The following GOLGA8A variants were observed in gnomAD, a reference collection of about 807,000 sequenced individuals.
GOLGA8A encodes the protein golgin A8 family member A.
In GOLGA8A, 3 loss-of-function variants were observed where a neutral mutation model predicts 22.1. The observed-to-expected ratio is 0.14, with a 90% confidence interval of 0.06 to 0.35. The LOEUF is 0.35. Among genes scored for constraint, GOLGA8A ranks in the 10% least tolerant of loss-of-function variants. The probability of loss-of-function intolerance (pLI) is 1.00; values close to 1 mark genes in which losing one functional copy is unlikely to be tolerated. For synonymous variants in GOLGA8A, 7 were observed against 91.7 expected (o/e 0.08, Z 5.28); for missense variants, 16 against 233.2 (o/e 0.07, Z 6.07).
At position 34,434,902 on chromosome 15, in the gene GOLGA8A, G is replaced by A. The variant is rs1009565558; in HGVS notation, c.-1123+481C>T. 4.0e-5 allele frequency among the ~76,000 whole-genome samples: 6 copies of A among 149,522 alleles called. 1 individual carries two copies. Among genetic ancestry groups the A allele is most frequent in the African/African-American group, 9.9e-5 (4 of 40,476 alleles). On this transcript the variant is annotated intron_variant, in intron 2 of 24. Transcript: ENST00000359187. ...TGTGAGTGGTACAGCCAGGGCCGCT[G>A]CCCAGGCCCAGAGCTCTCTCCGTTT... is the stretch of plus-strand genomic sequence containing the variant.
chr15:34,429,617 T>A (rs1239685322), intron 2 of GOLGA8A, among the ~76,000 whole-genome samples: 1 of 148,968 alleles, frequency 6.7e-6, no homozygotes, highest in East Asian at 2.0e-4. Flanking sequence ...CACTGCACAT[T>A]CTCCAGCAAC....
chr15:34,381,910 CCACCCCACCCA>C, intron 23 of GOLGA8A, 47 bp downstream of exon 23: 14 of 445,928 alleles, frequency 3.1e-5, no homozygotes, highest in Admixed American at 4.6e-5. Flanking sequence ...ACCCTCATGC[CCACCCCACCCA>C]CACCCCCACC....
chr15:34,400,221 T>TTA (rs1442792632), intron 6 of GOLGA8A, among the ~76,000 whole-genome samples: 1 of 97,292 alleles, frequency 1.0e-5, no homozygotes, highest in Non-Finnish European at 2.1e-5. Context: ...TTTATTTCTT[T>TTA]TATATATATG....
chr15:34,429,977 G>A (rs1893157140), intron 2 of GOLGA8A, among the ~76,000 whole-genome samples: 1 of 148,004 alleles, frequency 6.8e-6, no homozygotes, highest in East Asian at 2.0e-4. Flanking sequence ...AAAGTGAGGA[G>A]TGGGAATGCT....
In GOLGA8A at chr15:34,426,734, G is replaced by T. The variant is rs1266024656; in HGVS notation, c.-1123+8649C>A. On this transcript the variant is annotated intron_variant, in intron 2 of 24. Transcript: ENST00000359187. ...AGAGATACAAGATAATTGCGAGAAG[G>T]CAAAATTTTTTTAAAACAGAGACAT... 1.4e-5 allele frequency among the ~76,000 whole-genome samples: 2 copies of T among 143,742 alleles called. 1 individual carries two copies. Among genetic ancestry groups the T allele is most frequent in the African/African-American group, 5.1e-5 (2 of 39,486 alleles). 94.3% of individuals were successfully genotyped at this position (143,742 alleles called of 152,430 possible).
chr15:34,437,783 G>A lies in GOLGA8A; in HGVS notation c.-1597C>T, dbSNP rs1438693524. Among the ~76,000 whole-genome samples, 1 of 148,476 alleles carries A rather than the reference G, an allele frequency of 6.7e-6. No homozygotes were observed. Among genetic ancestry groups the A allele is most frequent in the Non-Finnish European group, 1.5e-5 (1 of 66,862 alleles). On this transcript the variant is annotated 5_prime_UTR_variant, in exon 1 of 25. Coordinates refer to ENST00000359187, the MANE Select transcript of GOLGA8A (RefSeq NM_181077.5). The stretch of plus-strand genomic sequence containing the variant: ...TCGCGCCTAGCCGCACACCTCGACT[G>A]CTGATTAGCCCGACAGCTGAATAGC...
At chr15:34,427,228 A>G (rs566462750) in intron 2 of GOLGA8A, among the ~76,000 whole-genome samples, 2,014 of 144,586 alleles carry the variant, frequency 0.014, 153 homozygotes, top group African/African-American at 0.048. Context: ...CTACTCGGGA[A>G]GCTGAGGAAG....
rs1217911016 is a variant in GOLGA8A at position 34,434,790 on chromosome 15, T to C, written c.-1123+593A>G. Among the ~76,000 whole-genome samples the C allele has an allele frequency of 2.0e-5, 3 of 149,322 alleles. 1 individual carries two copies. Among genetic ancestry groups the C allele is most frequent in the Non-Finnish European group, 4.5e-5 (3 of 67,140 alleles). ...CCTGCCTGGTCACCAGGGACTACCTTACACCCTACCTGTGCCTCCACGTCC... is the reference window on the plus strand; with the variant it reads ...CCTGCCTGGTCACCAGGGACTACCTCACACCCTACCTGTGCCTCCACGTCC... On this transcript the variant is annotated intron_variant, in intron 2 of 24. Transcript: ENST00000359187.
intron 2 of GOLGA8A, among the ~76,000 whole-genome samples, chr15:34,434,054 C>T (rs1277947858): frequency 6.7e-6 from 1 of 148,964 alleles, no homozygotes; most frequent in Non-Finnish European, 1.5e-5. Flanking sequence ...GATGAAAGAG[C>T]CTACATTCAG....
rs922485011 is a variant in GOLGA8A at position 34,380,219 on chromosome 15, TGAA to T, written c.*1189_*1191del. On this transcript the variant is annotated 3_prime_UTR_variant, in exon 25 of 25. Transcript: ENST00000359187. ...CCTATGTCAGAGTAACCGAGGTGGT[TGAA>T]GAATAGGTATTAGCCAGAGAGGTCT... is the stretch of plus-strand genomic sequence containing the variant. The T allele has an allele frequency of 3.3e-5, 5 of 152,156 alleles. No homozygotes were observed. The highest frequency in any genetic ancestry group is 1.2e-4 in the African/African-American group (5 of 41,432). The allele number at this position is 152,156 out of a possible 1,614,324, so 9.4% of individuals were successfully genotyped here. A position where few individuals can be genotyped will look rare whatever the true frequency, so the allele number is the denominator to read the frequency against.
At position 34,379,417 on chromosome 15, in the gene GOLGA8A, C is replaced by T. The variant is rs574621460; in HGVS notation, c.*1994G>A. ...TTAAACCCATGGGCTAGAAATCATA[C>T]GACTGTTAATTAGCCGCATTATTTG... On this transcript the variant is annotated 3_prime_UTR_variant, in exon 25 of 25. Transcript: ENST00000359187. 5.9e-5 allele frequency: 9 copies of T among 152,584 alleles called. No individual in the cohort carries two copies. The highest frequency in any genetic ancestry group is 3.4e-3 in the Middle Eastern group (1 of 294). The allele number at this position is 152,584 out of a possible 1,614,324, so 9.5% of individuals were successfully genotyped here.
rs1383526318 is a variant in GOLGA8A, at chr15:34,437,437, TCGCCGCGC to T, written c.-1259_-1252del. 2.9e-5 allele frequency: 4 copies of T among 137,164 alleles called. No individual in the cohort carries two copies. Among genetic ancestry groups the T allele is most frequent in the African/African-American group, 8.0e-5 (3 of 37,322 alleles). 8.5% of individuals were successfully genotyped at this position (137,164 alleles called of 1,614,324 possible). A position where few individuals can be genotyped will look rare whatever the true frequency, so the allele number is the denominator to read the frequency against. On this transcript the variant is annotated 5_prime_UTR_variant, in exon 1 of 25. Coordinates refer to ENST00000359187, the MANE Select transcript of GOLGA8A (RefSeq NM_181077.5). ...GGGCTGCCCCGGTCCGCCGCCGTCC[TCGCCGCGC>T]CGCCGTCCTCGCCGCGCCGCCGTCC...
At position 34,420,145 on chromosome 15, in the gene GOLGA8A, A is replaced by G. The variant is rs77966303; in HGVS notation, c.-1122-12410T>C. On this transcript the variant is annotated intron_variant, in intron 2 of 24. Coordinates refer to ENST00000359187, the MANE Select transcript of GOLGA8A (RefSeq NM_181077.5). ...TACCATAATTTTTAAAAACTAAGAAAATTAAGATATCCTTGATGTCAGATG... is the reference window on the plus strand; with the variant it reads ...TACCATAATTTTTAAAAACTAAGAAGATTAAGATATCCTTGATGTCAGATG... 3 of 148,184 alleles carry G rather than the reference A, an allele frequency of 2.0e-5. 1 individual carries two copies. The highest frequency in any genetic ancestry group is 4.1e-4 in the East Asian group (2 of 4,926). The allele number at this position is 148,184 out of a possible 1,614,324, so 9.2% of individuals were successfully genotyped here. A position where few individuals can be genotyped will look rare whatever the true frequency, so the allele number is the denominator to read the frequency against.
intron 2 of GOLGA8A, among the ~76,000 whole-genome samples, chr15:34,431,330 T>TATATATATATATATAC: frequency 1.1e-5 from 1 of 89,234 alleles, no homozygotes; most frequent in African/African-American, 4.6e-5. Flanking sequence ...TATATATATA[T>TATATATATATATATAC]ATATATATAT....
Position 34,437,726 on chromosome 15 carries a change from G to T in GOLGA8A, c.-1540C>A, listed in dbSNP as rs1253643573. 1.4e-5 allele frequency among the ~76,000 whole-genome samples: 2 copies of T among 145,352 alleles called. 1 individual carries two copies. Among genetic ancestry groups the T allele is most frequent in the Non-Finnish European group, 3.0e-5 (2 of 65,960 alleles). On this transcript the variant is annotated 5_prime_UTR_variant, in exon 1 of 25. Transcript: ENST00000359187. ...CGCCGTCCTCGCCGCGCCGCTGCCG[G>T]GTCTCTCCCGGGGGCTGAGCTCCCG...
At chr15:34,436,477 G>A (rs935711429) in intron 1 of GOLGA8A, among the ~76,000 whole-genome samples, 1 of 149,596 alleles carries the variant, frequency 6.7e-6, no homozygotes, top group East Asian at 2.0e-4. Flanking sequence ...GTCGTTATCT[G>A]AAGAGATCTG....
Position 34,379,161 on chromosome 15 carries a change from A to C in GOLGA8A, c.*2250T>G, listed in dbSNP as rs1450140063. On this transcript the variant is annotated 3_prime_UTR_variant, in exon 25 of 25. Coordinates refer to ENST00000359187, the MANE Select transcript of GOLGA8A (RefSeq NM_181077.5). ...GCAAAAGTCTTTCAGTATTTCCGTTACACATTCTGTTAACAAGAACTCATA... is the reference window on the plus strand; with the variant it reads ...GCAAAAGTCTTTCAGTATTTCCGTTCCACATTCTGTTAACAAGAACTCATA... 6.6e-6 allele frequency: 1 copy of C among 152,662 alleles called. No individual in the cohort carries two copies. The highest frequency in any genetic ancestry group is 1.5e-5 in the Non-Finnish European group (1 of 68,034). 9.5% of individuals were successfully genotyped at this position (152,662 alleles called of 1,614,324 possible). A position where few individuals can be genotyped will look rare whatever the true frequency, so the allele number is the denominator to read the frequency against.
At chr15:34,420,521 C>T (rs1190917477) in intron 2 of GOLGA8A, among the ~76,000 whole-genome samples, 2 of 143,622 alleles carry the variant, frequency 1.4e-5, no homozygotes, top group Non-Finnish European at 3.1e-5. Context: ...CGGGTCACTG[C>T]AGTGAGGATG....
chr15:34,426,510 T>C (rs1473107320), intron 2 of GOLGA8A, among the ~76,000 whole-genome samples: 1 of 147,112 alleles, frequency 6.8e-6, no homozygotes, highest in East Asian at 2.0e-4. Context: ...CATTTTCTAT[T>C]CTACATGATG....
Sources: gnomAD v4.1 joint callset for allele counts (sites outside exome capture counted in the v4.1 genomes callset) on GRCh38, gnomAD v4.1.1 for gene constraint, MANE v1.5 for transcripts, NCBI Gene and HGNC (gene_info 2026-07-23, HGNC 2026-07-21) for gene names.